Variants in CHRM2 observed in about 807,000 individuals in gnomAD.
CHRM2 encodes the protein cholinergic receptor muscarinic 2, also known as muscarinic acetylcholine receptor M2.
Under a neutral mutation model 25.0 loss-of-function variants are expected in CHRM2, and 8 were observed. The observed-to-expected ratio is 0.32, with a 90% CI of 0.19 to 0.58. The LOEUF is 0.58. Ranked by LOEUF, CHRM2 falls within the 20% of genes least tolerant of loss-of-function variation. The probability of loss-of-function intolerance (pLI) is 0.88; values close to 1 mark genes in which losing one functional copy is unlikely to be tolerated. For synonymous variants in CHRM2, 202 were observed against 205.7 expected (o/e 0.98, Z 0.15); for missense variants, 440 against 567.1 (o/e 0.78, Z 2.28).
intron 2 of CHRM2, among the ~76,000 whole-genome samples, chr7:136,968,132 C>T (rs1188030064): frequency 4.6e-5 from 7 of 151,918 alleles, no homozygotes; most frequent in African/African-American, 4.8e-5. Context: ...AAATGCTTAG[C>T]GTATTCACCA....
At chr7:136,882,015 T>C (rs1268784268) in intron 2 of CHRM2, among the ~76,000 whole-genome samples, 1 of 152,118 alleles carries the variant, frequency 6.6e-6, no homozygotes. Flanking sequence ...TTTTTTGTTT[T>C]ACCAATAGCA....
intron 2 of CHRM2, among the ~76,000 whole-genome samples, chr7:136,892,441 T>C (rs1439476692): frequency 1.3e-5 from 2 of 151,548 alleles, no homozygotes; most frequent in African/African-American, 4.9e-5. Flanking sequence ...TGCAAACCAG[T>C]ATACAAAGCT....
At chr7:137,006,803 G>A (rs1001471402) in intron 3 of CHRM2, among the ~76,000 whole-genome samples, 8 of 151,732 alleles carry the variant, frequency 5.3e-5, no homozygotes, top group East Asian at 3.9e-4. Context: ...AAAATCTGCC[G>A]CCGTATGCTG....
chr7:136,912,275 C>A (rs1797883963), intron 2 of CHRM2, among the ~76,000 whole-genome samples: 1 of 151,840 alleles, frequency 6.6e-6, no homozygotes, highest in Non-Finnish European at 1.5e-5. Context: ...TGACTTTTTT[C>A]AGCCTTCTAC....
intron 2 of CHRM2, among the ~76,000 whole-genome samples, chr7:136,977,792 T>C (rs1802202898): frequency 6.6e-6 from 1 of 152,210 alleles, no homozygotes; most frequent in African/African-American, 2.4e-5. Context: ...TTTGGGGACC[T>C]ACCCATAAAT....
chr7:137,016,419 C>G lies in CHRM2; in HGVS notation c.*153C>G, dbSNP rs971200879. 1.2e-5 allele frequency: 10 copies of G among 803,306 alleles called. No individual in the cohort carries two copies. In the South Asian group the frequency reaches 1.7e-4, roughly 14 times the overall value. The allele number at this position is 803,306 out of a possible 1,614,324, so 49.8% of individuals were successfully genotyped here. ...GAGCCCAGCAGTGACACACTTATCA[C>G]GCCTAGGCTCCAGTTTGCAAAAATT... On this transcript the variant is annotated 3_prime_UTR_variant, in exon 4 of 4. Coordinates refer to ENST00000680005, the MANE Select transcript of CHRM2 (RefSeq NM_001006630.2).
chr7:137,003,127 T>C (rs1804164155), intron 3 of CHRM2, among the ~76,000 whole-genome samples: 1 of 152,180 alleles, frequency 6.6e-6, no homozygotes, highest in Non-Finnish European at 1.5e-5. Flanking sequence ...TACGAAGTTA[T>C]GGAAGGAACA....
chr7:136,976,444 A>C (rs2130952728), intron 2 of CHRM2, among the ~76,000 whole-genome samples: 1 of 152,296 alleles, frequency 6.6e-6, no homozygotes, highest in South Asian at 2.1e-4. Context: ...TGATGTATGT[A>C]ATATTATTAT....
chr7:136,882,153 C>T (rs1397911691), intron 2 of CHRM2, among the ~76,000 whole-genome samples: 1 of 151,944 alleles, frequency 6.6e-6, no homozygotes, highest in African/African-American at 2.4e-5. Flanking sequence ...TGGTCTAGTC[C>T]CTCCAGCTAT....
chr7:137,015,620 A>G lies in CHRM2; in HGVS notation c.755A>G (p.Asp252Gly). The change falls in exon 4 of 4, where the codon GAC becomes GGC. Residue 252 changes from aspartate (D) to glycine (G), a missense_variant. Asp to Gly is a moderately conservative substitution (Grantham distance 94). Around this residue, in one of 5 missense-constraint regions of CHRM2, gnomAD observed 261 missense variants for 261.8 expected, o/e 1.00. Coordinates refer to ENST00000680005, the MANE Select transcript of CHRM2 (RefSeq NM_001006630.2). The surrounding 1 kb of genome is among the most constrained non-coding windows in gnomAD (Gnocchi z 5.1). The part of the protein sequence containing the change: ...KPNNNNMPSS[D>G]DGLEHNKIQN... ...AACAATAACAACATGCCCAGCAGTGACGATGGCCTGGAGCACAACAAAATC... is the reference window on the plus strand; with the variant it reads ...AACAATAACAACATGCCCAGCAGTGGCGATGGCCTGGAGCACAACAAAATC... 2 of 1,613,050 alleles carry G rather than the reference A, an allele frequency of 1.2e-6. No individual in the cohort carries two copies.
intron 2 of CHRM2, among the ~76,000 whole-genome samples, chr7:136,910,471 C>T (rs1310736077): frequency 2.0e-5 from 3 of 151,826 alleles, no homozygotes; most frequent in South Asian, 2.1e-4. Flanking sequence ...GCACCAAATG[C>T]TTTATTGGCT....
intron 2 of CHRM2, among the ~76,000 whole-genome samples, chr7:136,909,766 T>C (rs1797740882): frequency 6.6e-6 from 1 of 151,970 alleles, no homozygotes; most frequent in African/African-American, 2.4e-5. Context: ...AATTTACATG[T>C]ACATGTATAC....
At position 137,000,424 on chromosome 7, in the gene CHRM2, T is replaced by C. The variant is rs565197635; in HGVS notation, c.-47+8160T>C. Among the ~76,000 whole-genome samples, 10 of 151,390 alleles carry C rather than the reference T, an allele frequency of 6.6e-5. No individual in the cohort carries two copies. In the East Asian group the frequency reaches 2.0e-3, roughly 30 times the overall value. On this transcript the variant is annotated intron_variant, in intron 3 of 3. Coordinates refer to ENST00000680005, the MANE Select transcript of CHRM2 (RefSeq NM_001006630.2). ...CATGTTGGCCAGGCTGGTCTCATAC[T>C]CCTGACCTCAGGTGATCTGCCCACC... is the stretch of plus-strand genomic sequence containing the variant.
intron 2 of CHRM2, among the ~76,000 whole-genome samples, chr7:136,877,255 C>T (rs1181998666): frequency 6.6e-6 from 1 of 151,954 alleles, no homozygotes; most frequent in Non-Finnish European, 1.5e-5. Context: ...AATAACGGTT[C>T]AGGAAGACAG....
chr7:136,968,175 A>T (rs947973615), intron 2 of CHRM2, among the ~76,000 whole-genome samples: 1 of 152,028 alleles, frequency 6.6e-6, no homozygotes, highest in Non-Finnish European at 1.5e-5. Context: ...CAACAGATCT[A>T]CAAAACTATT....
chr7:136,973,546 G>C (rs1801917560), intron 2 of CHRM2, among the ~76,000 whole-genome samples: 1 of 104,242 alleles, frequency 9.6e-6, no homozygotes, highest in South Asian at 4.4e-4. Context: ...GACGGTGTTA[G>C]GGATGGTGGT....
chr7:136,970,213 T>C (rs1276729223), intron 2 of CHRM2, among the ~76,000 whole-genome samples: 19 of 152,230 alleles, frequency 1.2e-4, no homozygotes, highest in Non-Finnish European at 2.9e-5. Flanking sequence ...TATGATGGTC[T>C]AGTTCCACCT....
At chr7:137,002,347 A>G (rs1453233965) in intron 3 of CHRM2, among the ~76,000 whole-genome samples, 2 of 152,166 alleles carry the variant, frequency 1.3e-5, no homozygotes, top group East Asian at 1.9e-4. Flanking sequence ...TGTTATTTTT[A>G]TATTTTTCAA....
At chr7:136,933,596 C>CATCTATA (rs1363416836) in intron 2 of CHRM2, among the ~76,000 whole-genome samples, 1 of 152,078 alleles carries the variant, frequency 6.6e-6, no homozygotes, top group Non-Finnish European at 1.5e-5. Flanking sequence ...TGAAAATATA[C>CATCTATA]ATCTATAAAA....
Sources: gnomAD v4.1 joint callset for allele counts (sites outside exome capture counted in the v4.1 genomes callset) on GRCh38, gnomAD v4.1.1 for gene constraint, gnomAD v4.1.1 regional missense constraint, Gnocchi (gnomAD v3.1) non-coding constraint, MANE v1.5 for transcripts, NCBI Gene and HGNC (gene_info 2026-07-23, HGNC 2026-07-21) for gene names.